The following SYNPR variants were observed in gnomAD, a reference collection of about 807,000 sequenced individuals.
The protein encoded by SYNPR is synaptoporin.
A neutral mutation model predicts 32.9 loss-of-function variants in SYNPR; 23 were observed. The observed-to-expected ratio is 0.70, with a 90% CI of 0.50 to 0.99. The LOEUF is 0.99. SYNPR is among the 50% of genes least tolerant of loss of function. SYNPR has a pLI of 0.00. For missense variants in SYNPR, 318 were observed against 349.3 expected, an observed-to-expected ratio of 0.91 and a Z score of 0.71; for synonymous variants, 146 against 135.9, an observed-to-expected ratio of 1.07 and a Z score of -0.52.
At chr3:63,389,389 A>G (rs1184547770) in intron 2 of SYNPR, among the ~76,000 whole-genome samples, 1 of 152,224 alleles carries the variant, frequency 6.6e-6, no homozygotes, top group African/African-American at 2.4e-5. Context: ...CTTCATTCTC[A>G]GGCAGGCTCT....
intron 2 of SYNPR, among the ~76,000 whole-genome samples, chr3:63,266,448 A>T (rs1306371039): frequency 6.6e-6 from 1 of 152,074 alleles, no homozygotes; most frequent in Non-Finnish European, 1.5e-5. Flanking sequence ...CATGCCTGTA[A>T]TCCCAGCAAT....
At chr3:63,597,212 G>A (rs914450326) in intron 4 of SYNPR, among the ~76,000 whole-genome samples, 7 of 151,652 alleles carry the variant, frequency 4.6e-5, no homozygotes, top group Non-Finnish European at 8.8e-5. Context: ...TTACCACCAG[G>A]GCCACAATTA....
intron 3 of SYNPR, among the ~76,000 whole-genome samples, chr3:63,516,892 T>C (rs1461056161): frequency 6.6e-6 from 1 of 152,222 alleles, no homozygotes; most frequent in East Asian, 1.9e-4. Context: ...TGTATTATTA[T>C]TCTTTCTCTT....
intron 2 of SYNPR, among the ~76,000 whole-genome samples, chr3:63,410,524 A>G (rs1453592804): frequency 6.6e-6 from 1 of 152,208 alleles, no homozygotes; most frequent in Non-Finnish European, 1.5e-5. Context: ...GAAGATGAGC[A>G]AGATACCAAA....
chr3:63,562,495 C>A (rs933029442), intron 4 of SYNPR, among the ~76,000 whole-genome samples: 1 of 152,162 alleles, frequency 6.6e-6, no homozygotes, highest in African/African-American at 2.4e-5. Context: ...ATAAAGGAGA[C>A]CAGGTTGACC....
intron 4 of SYNPR, among the ~76,000 whole-genome samples, chr3:63,579,378 T>C (rs1353429319): frequency 6.6e-6 from 1 of 152,120 alleles, no homozygotes; most frequent in African/African-American, 2.4e-5. Context: ...ACCTTCTCAA[T>C]AAAGTTTCCC....
intron 4 of SYNPR, among the ~76,000 whole-genome samples, chr3:63,607,856 G>A (rs545566713): frequency 7.5e-5 from 10 of 133,100 alleles, no homozygotes; most frequent in South Asian, 2.4e-4. Flanking sequence ...TCATGGGATC[G>A]TGATGAAAAG....
intron 2 of SYNPR, among the ~76,000 whole-genome samples, chr3:63,377,391 A>G (rs917308097): frequency 6.6e-6 from 1 of 152,104 alleles, no homozygotes; most frequent in Non-Finnish European, 1.5e-5. Context: ...CTTTAAGATA[A>G]GAAAAGAAGC....
Position 63,379,020 on chromosome 3 carries a change from T to C in SYNPR, c.84+100278T>C, listed in dbSNP as rs138326932. On this transcript the variant is annotated intron_variant, in intron 2 of 5. Coordinates refer to ENST00000478300, the MANE Select transcript of SYNPR (RefSeq NM_001130003.2). ...GTGTTTTTATTTTCATTCAATTCAA[T>C]GTATTTTAAAAATTTCTTTTGAGAC... Among the ~76,000 whole-genome samples, 527 of 152,316 alleles carry C rather than the reference T, an allele frequency of 3.5e-3. 4 individuals are homozygous for C. The highest frequency in any genetic ancestry group is 0.012 in the African/African-American group (515 of 41,592).
intron 3 of SYNPR, among the ~76,000 whole-genome samples, chr3:63,536,130 T>C (rs758886739): frequency 1.9e-4 from 29 of 151,754 alleles, no homozygotes; most frequent in Non-Finnish European, 3.8e-4. Context: ...ATTTTAAAAA[T>C]TTAAGGAATG....
chr3:63,251,583 A>G (rs904577501), intron 1 of SYNPR, among the ~76,000 whole-genome samples: 2 of 152,170 alleles, frequency 1.3e-5, no homozygotes, highest in African/African-American at 4.8e-5. Context: ...AGAGCTTGCA[A>G]GATTTCCCCC....
intron 2 of SYNPR, among the ~76,000 whole-genome samples, chr3:63,385,957 G>A (rs2088038269): frequency 6.6e-6 from 1 of 152,204 alleles, no homozygotes; most frequent in Non-Finnish European, 1.5e-5. Context: ...TGTTAGTCTT[G>A]TCAAGACCTT....
chr3:63,585,070 T>C (rs1469748706), intron 4 of SYNPR, among the ~76,000 whole-genome samples: 1 of 152,056 alleles, frequency 6.6e-6, no homozygotes, highest in Non-Finnish European at 1.5e-5. Flanking sequence ...TTATCTCCCA[T>C]TACACACAGC....
At chr3:63,552,460 G>A (rs1338909256) in intron 3 of SYNPR, among the ~76,000 whole-genome samples, 1 of 152,128 alleles carries the variant, frequency 6.6e-6, no homozygotes, top group Non-Finnish European at 1.5e-5. Context: ...GAATTTTGTT[G>A]GAGCTGTACA....
chr3:63,274,269 T>A (rs1177996381), upstream of SYNPR, among the ~76,000 whole-genome samples: 1 of 152,212 alleles, frequency 6.6e-6, no homozygotes, highest in Non-Finnish European at 1.5e-5. Context: ...AGAACAAGAT[T>A]TAATTAGCCT....
intron 4 of SYNPR, among the ~76,000 whole-genome samples, chr3:63,562,111 G>A (rs1235142922): frequency 2.0e-5 from 3 of 152,118 alleles, no homozygotes; most frequent in Non-Finnish European, 4.4e-5. Flanking sequence ...GCATAATTGT[G>A]AAATTGAAAT....
chr3:63,532,197 A>G (rs568347067), intron 3 of SYNPR, among the ~76,000 whole-genome samples: 14 of 152,316 alleles, frequency 9.2e-5, no homozygotes, highest in Admixed American at 7.8e-4. Flanking sequence ...AAAAACTGGA[A>G]CTTTCAAAAA....
chr3:63,543,089 G>A (rs912178003), intron 3 of SYNPR, among the ~76,000 whole-genome samples: 1 of 152,068 alleles, frequency 6.6e-6, no homozygotes, highest in African/African-American at 2.4e-5. Flanking sequence ...ATATGCAAAT[G>A]CACATTCCAT....
chr3:63,221,961 G>A, the SYNPR span, among the ~76,000 whole-genome samples: 1 of 144,478 alleles, frequency 6.9e-6, no homozygotes, highest in South Asian at 2.2e-4. Flanking sequence ...AGCAATCAAA[G>A]CAGCAGTAGA....
Sources: gnomAD v4.1 joint callset for allele counts (sites outside exome capture counted in the v4.1 genomes callset) on GRCh38, gnomAD v4.1.1 for gene constraint, MANE v1.5 for transcripts, NCBI Gene and HGNC (gene_info 2026-07-23, HGNC 2026-07-21) for gene names.